LRPPRC: variants seen among roughly 807,000 people sequenced by gnomAD.
LRPPRC encodes leucine rich pentatricopeptide repeat containing.
A neutral mutation model predicts 180.3 loss-of-function variants in LRPPRC; 120 were observed. The observed-to-expected ratio is 0.67, with a 90% confidence interval of 0.57 to 0.77. The LOEUF (loss-of-function observed/expected upper bound fraction) is 0.77. Ranked by LOEUF, LRPPRC falls within the 30% of genes least tolerant of loss-of-function variation. The pLI is 0.00. For missense variants in LRPPRC, 2,012 were observed against 1,657.2 expected (o/e 1.21, Z -3.72); for synonymous variants, 723 against 600.0 (o/e 1.21, Z -3.00).
rs566299983 is a variant in LRPPRC, at chr2:43,979,389, C to A, written c.469+437G>T. Among the ~76,000 whole-genome samples, 10 of 152,238 alleles carry A rather than the reference C, an allele frequency of 6.6e-5. No individual in the cohort carries two copies. In the South Asian group the frequency reaches 2.1e-3, roughly 32 times the overall value. On this transcript the variant is annotated intron_variant, in intron 3 of 37. Transcript: ENST00000260665. ...AACAGTTACACAGTAATCTATTTTA[C>A]GGGTACTCCATAATTTATTTACCTA...
intron 9 of LRPPRC, 106 bp downstream of exon 9, chr2:43,974,044 G>C (rs927896567): frequency 1.6e-6 from 2 of 1,262,486 alleles, no homozygotes; most frequent in African/African-American, 1.5e-5. Context: ...CAAGAACATT[G>C]TTATGATGTT....
chr2:43,995,740 C>G (rs1308746971), intron 1 of LRPPRC, 59 bp downstream of exon 1: 1 of 1,340,760 alleles, frequency 7.5e-7, no homozygotes. Flanking sequence ...TGCCGGCACC[C>G]ACGACCCCGG....
intron 24 of LRPPRC, 34 bp from the exon 25 acceptor site, chr2:43,934,330 AG>A: frequency 9.6e-7 from 1 of 1,036,998 alleles, no homozygotes; most frequent in Non-Finnish European, 1.5e-6. Context: ...ATATATTAGG[AG>A]AAAAAAAAAC....
chr2:43,894,664 C>T lies in LRPPRC; in HGVS notation c.3901-35G>A, dbSNP rs144179948. On this transcript the variant is annotated intron_variant, in intron 35 of 37. Coordinates refer to ENST00000260665, the MANE Select transcript of LRPPRC (RefSeq NM_133259.4). ...TACATAAAGGTAATATTATGAAAAC[C>T]GCAAATTAACAGTGAATTAGAACAC... The T allele has an allele frequency of 7.7e-5, 78 of 1,014,622 alleles. No individual in the cohort carries two copies. The Middle Eastern group carries it at 1.5e-3, about 20-fold the overall frequency. The allele number at this position is 1,014,622 out of a possible 1,614,324, so 62.9% of individuals were successfully genotyped here.
intron 6 of LRPPRC, among the ~76,000 whole-genome samples, chr2:43,975,652 G>A (rs1035976754): frequency 6.6e-6 from 1 of 150,630 alleles, no homozygotes; most frequent in African/African-American, 2.4e-5. Flanking sequence ...GTGTAATCTC[G>A]GCTCACTGCA....
At chr2:43,990,952 TCTC>T (rs1450565613) in intron 1 of LRPPRC, among the ~76,000 whole-genome samples, 2 of 151,892 alleles carry the variant, frequency 1.3e-5, no homozygotes, top group African/African-American at 4.8e-5. Context: ...TTCAAGCAAT[TCTC>T]CTGCCTCAGC....
chr2:43,982,210 A>G, intron 2 of LRPPRC, 28 bp downstream of exon 2: 1 of 1,520,032 alleles, frequency 6.6e-7, no homozygotes, highest in Admixed American at 2.1e-5. Context: ...CCAAAAGTCA[A>G]CTTTATGAAC....
At chr2:43,964,713 T>C (rs1422359213) in intron 11 of LRPPRC, among the ~76,000 whole-genome samples, 2 of 152,012 alleles carry the variant, frequency 1.3e-5, no homozygotes, top group Non-Finnish European at 2.9e-5. Context: ...AAAACTATAA[T>C]TTTTTTTAAA....
intron 27 of LRPPRC, among the ~76,000 whole-genome samples, chr2:43,920,076 AT>A (rs373434583): frequency 0.29 from 37,000 of 128,614 alleles, 6,959 homozygotes; most frequent in East Asian, 0.89. Context: ...GAAATCAGCA[AT>A]TTAAAAAAAA....
rs1266193823 is a variant in LRPPRC, at chr2:43,918,114, T to G, written c.3059A>C (p.Lys1020Thr). The change falls in exon 29 of 38, where the codon AAA becomes ACA. Residue 1020 changes from lysine to threonine, a missense_variant. Coordinates refer to ENST00000260665, the MANE Select transcript of LRPPRC (RefSeq NM_133259.4). ...DVPELWYEDE[K>T]HSLNSSSAST... ...GGCTGACGAAGAATTCAGGGAATGT[T>G]TTTCATCTTCATACCACAACTTTAA... The G allele has an allele frequency of 1.2e-6, 2 of 1,613,906 alleles. No individual in the cohort carries two copies. Among genetic ancestry groups the G allele is most frequent in the Non-Finnish European group, 1.7e-6 (2 of 1,179,866 alleles).
chr2:43,954,151 T>C lies in LRPPRC; in HGVS notation c.1649+3234A>G, dbSNP rs538682377. Among the ~76,000 whole-genome samples the C allele has an allele frequency of 2.0e-5, 3 of 152,300 alleles. No homozygotes were observed. The East Asian group carries it at 5.8e-4, about 29-fold the overall frequency. On this transcript the variant is annotated intron_variant, in intron 14 of 37. Coordinates refer to ENST00000260665, the MANE Select transcript of LRPPRC (RefSeq NM_133259.4). ...CTTCCAGTAACTATCCAAGATCTTA[T>C]CCTTACATTTCTCTCTCATCTCTGC... is the stretch of plus-strand genomic sequence containing the variant.
intron 14 of LRPPRC, among the ~76,000 whole-genome samples, chr2:43,955,276 T>A (rs1673058333): frequency 6.6e-6 from 1 of 151,912 alleles, no homozygotes; most frequent in Non-Finnish European, 1.5e-5. Context: ...AAGACCAGCC[T>A]GGGCAACACG....
chr2:43,912,322 A>T, intron 30 of LRPPRC, 110 bp downstream of exon 30: 1 of 930,688 alleles, frequency 1.1e-6, no homozygotes, highest in Non-Finnish European at 1.7e-6. Flanking sequence ...TGGGTAGCTG[A>T]GGCCAATCAA....
At chr2:43,964,981 G>A (rs531693771) in intron 11 of LRPPRC, among the ~76,000 whole-genome samples, 3 of 152,284 alleles carry the variant, frequency 2.0e-5, no homozygotes, top group South Asian at 4.2e-4. Flanking sequence ...AGGAGGTCAA[G>A]TCCAGCCTGG....
intron 1 of LRPPRC, among the ~76,000 whole-genome samples, chr2:43,992,137 G>A (rs1171670655): frequency 1.3e-5 from 2 of 152,200 alleles, no homozygotes; most frequent in African/African-American, 2.4e-5. Context: ...GGAGGCACAA[G>A]AAAGGAGCCA....
intron 35 of LRPPRC, among the ~76,000 whole-genome samples, chr2:43,895,201 T>G (rs549704799): frequency 6.6e-6 from 1 of 152,322 alleles, no homozygotes; most frequent in East Asian, 1.9e-4. Context: ...CCAACGTTAC[T>G]GGATAAACCC....
In LRPPRC at chr2:43,970,896, T is replaced by G. The variant is rs570475892; in HGVS notation, c.1369+2711A>C. Among the ~76,000 whole-genome samples, 3 of 152,262 alleles carry G rather than the reference T, an allele frequency of 2.0e-5. No individual in the cohort carries two copies. In the East Asian group the frequency reaches 5.8e-4, roughly 29 times the overall value. On this transcript the variant is annotated intron_variant, in intron 11 of 37. Transcript: ENST00000260665. ...GGGTGATCACGTGAGGTCAGGAGTT[T>G]GAGACCAGCCTGGCCAACATGGTGA...
intron 1 of LRPPRC, among the ~76,000 whole-genome samples, chr2:43,984,816 C>T (rs1674456243): frequency 2.0e-5 from 3 of 152,106 alleles, no homozygotes; most frequent in Non-Finnish European, 4.4e-5. Context: ...GATATAACCA[C>T]ATAAGGGGAA....
upstream of LRPPRC, chr2:43,996,003 T>C (rs1675051302): frequency 2.0e-6 from 3 of 1,513,018 alleles, no homozygotes; most frequent in African/African-American, 4.2e-5. Context: ...AGGAGGAGCA[T>C]GTGACCGCAG....
Sources: allele counts gnomAD v4.1 joint callset (sites outside exome capture counted in the v4.1 genomes callset), GRCh38; gene constraint gnomAD v4.1.1; transcripts MANE v1.5; gene names NCBI Gene and HGNC (gene_info 2026-07-23, HGNC 2026-07-21).